The following PRKAR2A variants were observed in gnomAD, a reference collection of about 807,000 sequenced individuals.
PRKAR2A encodes cAMP-dependent protein kinase type II-alpha regulatory subunit.
PRKAR2A carries 29 observed loss-of-function variants against 51.9 expected under a neutral mutation model. That is an observed-to-expected ratio of 0.56 (90% CI 0.42 to 0.76). The LOEUF (loss-of-function observed/expected upper bound fraction) is 0.76, where lower values mean the gene tolerates loss of function less well. Ranked by LOEUF, PRKAR2A falls within the 30% of genes least tolerant of loss-of-function variation. The pLI is 0.00. For synonymous variants in PRKAR2A, 178 were observed against 186.2 expected, an observed-to-expected ratio of 0.96 and a Z score of 0.36; for missense variants, 445 against 512.1, an observed-to-expected ratio of 0.87 and a Z score of 1.26.
rs55987420 is a variant in PRKAR2A, at chr3:48,807,457, TTATAG to T, written c.298+187_298+191del. ...AACGCAAAGAGACAAACTGTACCAA[TTATAG>T]TATAAAATACGTACATACATACTCA... On this transcript the variant is annotated intron_variant, in intron 2 of 10. Coordinates refer to ENST00000265563, the MANE Select transcript of PRKAR2A (RefSeq NM_004157.4). Among the ~76,000 whole-genome samples, 126 of 152,264 alleles carry T rather than the reference TTATAG, an allele frequency of 8.3e-4. No homozygotes were observed. The Middle Eastern group carries it at 0.01, about 12-fold the overall frequency.
At position 48,789,865 on chromosome 3, in the gene PRKAR2A, CCTTCCTTT is replaced by C. The variant is rs1375442231; in HGVS notation, c.435+671_435+678del. Among the ~76,000 whole-genome samples, 11 of 151,676 alleles carry C rather than the reference CCTTCCTTT, an allele frequency of 7.3e-5. No homozygotes were observed. In the East Asian group the frequency reaches 1.9e-3, roughly 27 times the overall value. On this transcript the variant is annotated intron_variant, in intron 4 of 10. Transcript: ENST00000265563. ...TCTCCCTCCCTTCCTTTTGTTCCTT[CCTTCCTTT>C]CTTCCTTTTCTTTCTCTCTTCCTTT... is the stretch of plus-strand genomic sequence containing the variant.
chr3:48,804,861 G>A (rs2107352387), intron 2 of PRKAR2A, among the ~76,000 whole-genome samples: 1 of 152,188 alleles, frequency 6.6e-6, no homozygotes, highest in Middle Eastern at 3.4e-3. Flanking sequence ...ATTGTTAGAT[G>A]ACTAAAACAA....
chr3:48,840,764 G>A (rs2083366743), intron 1 of PRKAR2A, among the ~76,000 whole-genome samples: 1 of 149,024 alleles, frequency 6.7e-6, no homozygotes, highest in Non-Finnish European at 1.5e-5. Flanking sequence ...TTTTAGTAGA[G>A]ACGGAATTTC....
chr3:48,753,944 C>T (rs1015164487), intron 9 of PRKAR2A, among the ~76,000 whole-genome samples: 2 of 141,608 alleles, frequency 1.4e-5, no homozygotes, highest in East Asian at 4.1e-4. Context: ...GTTGCCCAGG[C>T]TGGAGTGCAG....
chr3:48,745,642 G>A (rs1423086726), downstream of PRKAR2A, among the ~76,000 whole-genome samples: 3 of 146,370 alleles, frequency 2.0e-5, no homozygotes, highest in African/African-American at 7.6e-5. Flanking sequence ...GGGTTCAAGT[G>A]ACTCTCCTAC....
chr3:48,766,842 G>T (rs2081949286), intron 6 of PRKAR2A, among the ~76,000 whole-genome samples: 1 of 152,126 alleles, frequency 6.6e-6, no homozygotes, highest in Non-Finnish European at 1.5e-5. Context: ...GCAAGTCATG[G>T]ATTCCTTCTG....
chr3:48,839,181 G>A (rs1361608630), intron 1 of PRKAR2A, among the ~76,000 whole-genome samples: 4 of 151,962 alleles, frequency 2.6e-5, no homozygotes, highest in Non-Finnish European at 5.9e-5. Context: ...CTGGCTACTC[G>A]GGAGGCTGGG....
chr3:48,829,873 T>TATATATA lies in PRKAR2A; in HGVS notation c.262+17461_262+17462insTATATAT, dbSNP rs1559646973. Among the ~76,000 whole-genome samples the TATATATA allele has an allele frequency of 9.2e-4, 58 of 62,842 alleles. 1 individual carries two copies. The highest frequency in any genetic ancestry group is 3.4e-3 in the African/African-American group (50 of 14,696). The allele number at this position is 62,842 out of a possible 152,430, so 41.2% of individuals were successfully genotyped here. ...TATATATATATATATATATATATAT[T>TATATATA]TTTTTTTTTTTTTTAAGCTTTTTTG... On this transcript the variant is annotated intron_variant, in intron 1 of 10. Transcript: ENST00000265563.
rs555215414 is a variant in PRKAR2A, at chr3:48,791,639, G to GT, written c.352-1013dup. On this transcript the variant is annotated intron_variant, in intron 3 of 10. Coordinates refer to ENST00000265563, the MANE Select transcript of PRKAR2A (RefSeq NM_004157.4). ...AAGCTGGGCATGGTGGCTCACTCCT[G>GT]TAATCCCAGGTAATCCCAGCACTTT... Among the ~76,000 whole-genome samples, 555 of 142,658 alleles carry GT rather than the reference G, an allele frequency of 3.9e-3. 9 individuals carry two copies. Among genetic ancestry groups the GT allele is most frequent in the African/African-American group, 0.014 (536 of 38,742 alleles). 93.6% of individuals were successfully genotyped at this position (142,658 alleles called of 152,430 possible). A position where few individuals can be genotyped will look rare whatever the true frequency, so the allele number is the denominator to read the frequency against.
chr3:48,826,512 G>C (rs1334086962), intron 1 of PRKAR2A, among the ~76,000 whole-genome samples: 1 of 152,044 alleles, frequency 6.6e-6, no homozygotes, highest in Non-Finnish European at 1.5e-5. Flanking sequence ...CACCAATTTT[G>C]TGTTGAGAGT....
chr3:48,767,107 C>T (rs1460808558), intron 6 of PRKAR2A, among the ~76,000 whole-genome samples: 1 of 152,176 alleles, frequency 6.6e-6, no homozygotes, highest in African/African-American at 2.4e-5. Context: ...AATGGGCAAG[C>T]AGTTATTTGT....
At chr3:48,758,694 C>A (rs573320234) in intron 8 of PRKAR2A, among the ~76,000 whole-genome samples, 2 of 151,980 alleles carry the variant, frequency 1.3e-5, no homozygotes, top group African/African-American at 2.4e-5. Context: ...AACAGGGGAG[C>A]TCATATAGAA....
intron 1 of PRKAR2A, among the ~76,000 whole-genome samples, chr3:48,832,791 G>A (rs1160510188): frequency 6.6e-6 from 1 of 152,044 alleles, no homozygotes; most frequent in African/African-American, 2.4e-5. Flanking sequence ...TTTCCTACAA[G>A]TTGCTTTTTA....
Position 48,752,271 on chromosome 3 carries a change from C to T in PRKAR2A, c.986G>A (p.Arg329His), listed in dbSNP as rs778783320. The change falls in exon 10 of 11, where the codon CGC becomes CAC. Residue 329 changes from arginine to histidine, a missense_variant. Coordinates refer to ENST00000265563, the MANE Select transcript of PRKAR2A (RefSeq NM_004157.4). ...TCCAAAGTACTGCCCCTTATGGCAG[C>T]GGGCAATCTCGACCTCCTGGTTCCC... Reference protein sequence around the residue: ...DGGNQEVEIARCHKGQYFGEL... With the variant: ...DGGNQEVEIAHCHKGQYFGEL... 35 of 1,614,026 alleles carry T rather than the reference C, an allele frequency of 2.2e-5. No homozygotes were observed. Among genetic ancestry groups the T allele is most frequent in the African/African-American group, 4.0e-5 (3 of 74,930 alleles).
Position 48,785,401 on chromosome 3 carries a change from C to T in PRKAR2A, c.436-2309G>A, listed in dbSNP as rs143646477. 3.9e-3 allele frequency among the ~76,000 whole-genome samples: 588 copies of T among 152,074 alleles called. 1 individual carries two copies. Among genetic ancestry groups the T allele is most frequent in the South Asian group, 6.2e-3 (30 of 4,822 alleles). The stretch of plus-strand genomic sequence containing the variant: ...TCAGCCTGCTGAGTAGCTGGGATTA[C>T]AGAATGTGCCACCATGCCCAGCTAA... On this transcript the variant is annotated intron_variant, in intron 4 of 10. Coordinates refer to ENST00000265563, the MANE Select transcript of PRKAR2A (RefSeq NM_004157.4).
At chr3:48,828,737 A>T (rs766920897) in intron 1 of PRKAR2A, among the ~76,000 whole-genome samples, 12 of 151,440 alleles carry the variant, frequency 7.9e-5, no homozygotes, top group South Asian at 2.1e-4. Flanking sequence ...AAAGAAAGAA[A>T]GAAAAATTGA....
At position 48,847,588 on chromosome 3, in the gene PRKAR2A, G is replaced by A. The variant is rs2083490901; in HGVS notation, c.9C>T (p.His3=). The A allele has an allele frequency of 3.3e-6, 5 of 1,512,954 alleles. No homozygotes were observed. Among genetic ancestry groups the A allele is most frequent in the Non-Finnish European group, 4.4e-6 (5 of 1,136,818 alleles). The allele number at this position is 1,512,954 out of a possible 1,614,324, so 93.7% of individuals were successfully genotyped here. The change falls in exon 1 of 11, where the codon CAC becomes CAT. Residue 3 remains histidine (H), a synonymous_variant. Transcript: ENST00000265563. This position sits in a 1 kb window ranked among gnomAD's most constrained non-coding sequence, Gnocchi z 4.4. MS[H]IQIPPGLTEL... The stretch of plus-strand genomic sequence containing the variant: ...CCGTGAGCCCCGGCGGGATCTGGAT[G>A]TGGCTCATGCCGGCGGCGGCCGAAG...
At chr3:48,770,327 G>A (rs946145921) in intron 6 of PRKAR2A, among the ~76,000 whole-genome samples, 1 of 152,124 alleles carries the variant, frequency 6.6e-6, no homozygotes, top group Non-Finnish European at 1.5e-5. Context: ...AATTTCCCAG[G>A]AAACCTTCTA....
intron 1 of PRKAR2A, among the ~76,000 whole-genome samples, chr3:48,816,483 C>T (rs2082876513): frequency 6.6e-6 from 1 of 151,524 alleles, no homozygotes; most frequent in African/African-American, 2.4e-5. Flanking sequence ...TACTAAAATA[C>T]AAAAATTAGC....
Sources: gnomAD v4.1 joint callset for allele counts (sites outside exome capture counted in the v4.1 genomes callset) on GRCh38, gnomAD v4.1.1 for gene constraint, Gnocchi (gnomAD v3.1) non-coding constraint, MANE v1.5 for transcripts, NCBI Gene and HGNC (gene_info 2026-07-23, HGNC 2026-07-21) for gene names.